The following TBC1D5 variants were observed in gnomAD, a reference collection of about 807,000 sequenced individuals.
TBC1D5 encodes the protein TBC1 domain family, member 5.
In TBC1D5, 75 loss-of-function variants were observed where a neutral mutation model predicts 100.3. The ratio of observed to expected loss-of-function variants is 0.75; its 90% confidence interval spans 0.62 to 0.91. The LOEUF (loss-of-function observed/expected upper bound fraction) is 0.91, where lower values mean the gene tolerates loss of function less well. TBC1D5 is among the 40% of genes least tolerant of loss of function. The pLI is 0.00. For synonymous variants in TBC1D5, 323 were observed against 325.6 expected, an observed-to-expected ratio of 0.99 and a Z score of 0.09; for missense variants, 910 against 942.4, an observed-to-expected ratio of 0.97 and a Z score of 0.45.
At chr3:17,222,371 C>T (rs953346289) in intron 17 of TBC1D5, among the ~76,000 whole-genome samples, 1 of 152,036 alleles carries the variant, frequency 6.6e-6, no homozygotes, top group Non-Finnish European at 1.5e-5. Context: ...AATGATTTTA[C>T]CTTTACAAGT....
intron 2 of TBC1D5, among the ~76,000 whole-genome samples, chr3:17,603,771 C>T (rs1456764658): frequency 3.9e-5 from 6 of 152,018 alleles, no homozygotes; most frequent in African/African-American, 1.4e-4. Flanking sequence ...CCTCAACCTC[C>T]CGAGTAGCTG....
At chr3:17,331,268 T>C (rs17043406) in intron 13 of TBC1D5, among the ~76,000 whole-genome samples, 3,350 of 152,276 alleles carry the variant, frequency 0.022, 120 homozygotes, top group African/African-American at 0.075. Flanking sequence ...AATCACTGTT[T>C]AGGTCGAAGT....
At chr3:17,532,348 G>A (rs1309497072) in intron 2 of TBC1D5, among the ~76,000 whole-genome samples, 3 of 152,212 alleles carry the variant, frequency 2.0e-5, no homozygotes, top group Non-Finnish European at 4.4e-5. Flanking sequence ...AGGTGCTGGA[G>A]AGGATGTAGA....
At chr3:17,573,828 A>G (rs1223320011) in intron 2 of TBC1D5, among the ~76,000 whole-genome samples, 1 of 152,002 alleles carries the variant, frequency 6.6e-6, no homozygotes, top group East Asian at 1.9e-4. Context: ...CCCATGCATT[A>G]ATCTATCACA....
rs376447750 is a variant in TBC1D5 at position 17,494,193 on chromosome 3, CT to C, written c.97+14280del. Among the ~76,000 whole-genome samples, 700 of 152,228 alleles carry C rather than the reference CT, an allele frequency of 4.6e-3. 7 individuals carry two copies. The highest frequency in any genetic ancestry group is 0.016 in the African/African-American group (645 of 41,532). The stretch of plus-strand genomic sequence containing the variant: ...CTGCTGTGGTTTGCTTGGGGTCCAC[CT>C]GAGACCCTATTCGCCTGGGTCACCC... On this transcript the variant is annotated intron_variant, in intron 3 of 21. Coordinates refer to ENST00000253692, the Ensembl canonical transcript of TBC1D5.
At chr3:17,284,024 C>G (rs1039839961) in intron 15 of TBC1D5, among the ~76,000 whole-genome samples, 1 of 151,596 alleles carries the variant, frequency 6.6e-6, no homozygotes, top group Non-Finnish European at 1.5e-5. Context: ...CTCAGAAGGG[C>G]TTTTTGACCA....
At chr3:17,521,737 C>A (rs935473045) in intron 2 of TBC1D5, among the ~76,000 whole-genome samples, 1 of 152,040 alleles carries the variant, frequency 6.6e-6, no homozygotes, top group African/African-American at 2.4e-5. Flanking sequence ...CTCTTTCATT[C>A]ATGAATTAAC....
intron 15 of TBC1D5, among the ~76,000 whole-genome samples, chr3:17,289,171 G>A (rs1353581589): frequency 2.0e-5 from 3 of 152,170 alleles, no homozygotes; most frequent in Non-Finnish European, 4.4e-5. Flanking sequence ...CGTCTGTGCT[G>A]GCACTCAGAA....
chr3:17,170,082 G>A (rs1163282748), intron 19 of TBC1D5, among the ~76,000 whole-genome samples: 1 of 152,236 alleles, frequency 6.6e-6, no homozygotes, highest in African/African-American at 2.4e-5. Context: ...CAGGCCACGG[G>A]CCAGTACTGG....
At position 17,187,181 on chromosome 3, in the gene TBC1D5, C is replaced by T. The variant is rs150048752; in HGVS notation, c.1753-1973G>A. ...TCAATTTCTTCCCTCCCTGACTCTG[C>T]ATGTTGCTTCATTCATTACGAGGTA... is the stretch of plus-strand genomic sequence containing the variant. On this transcript the variant is annotated intron_variant, in intron 18 of 21. Transcript: ENST00000253692. Among the ~76,000 whole-genome samples the T allele has an allele frequency of 9.1e-3, 1,389 of 152,310 alleles. 23 individuals carry two copies. Among genetic ancestry groups the T allele is most frequent in the African/African-American group, 0.031 (1,298 of 41,558 alleles).
intron 14 of TBC1D5, among the ~76,000 whole-genome samples, chr3:17,299,938 G>C (rs1174576510): frequency 4.6e-5 from 7 of 151,424 alleles, no homozygotes; most frequent in Admixed American, 1.3e-4. Flanking sequence ...GGTATCTGGG[G>C]GAGTGGGTAT....
At chr3:17,582,152 T>C (rs1468951616) in intron 2 of TBC1D5, among the ~76,000 whole-genome samples, 6 of 152,162 alleles carry the variant, frequency 3.9e-5, no homozygotes, top group Non-Finnish European at 5.9e-5. Context: ...CTTATCAACC[T>C]CTCCACCCTG....
intron 1 of TBC1D5, among the ~76,000 whole-genome samples, chr3:17,650,198 G>A (rs1026461418): frequency 1.3e-5 from 2 of 152,034 alleles, no homozygotes; most frequent in South Asian, 2.1e-4. Flanking sequence ...TGTAGGTGAC[G>A]GGTTGATGGG....
chr3:17,343,320 C>T (rs2089308197), intron 13 of TBC1D5, among the ~76,000 whole-genome samples: 1 of 151,666 alleles, frequency 6.6e-6, no homozygotes, highest in Non-Finnish European at 1.5e-5. Context: ...ATGAAGCCCA[C>T]TTGATCATGG....
At chr3:17,298,136 GACAT>G (rs1439604460) in intron 14 of TBC1D5, among the ~76,000 whole-genome samples, 6 of 152,160 alleles carry the variant, frequency 3.9e-5, no homozygotes, top group Admixed American at 2.6e-4. Context: ...TCTGAAAATA[GACAT>G]ACATACACTT....
At chr3:17,461,287 C>T (rs1048103331) in intron 3 of TBC1D5, among the ~76,000 whole-genome samples, 1 of 152,174 alleles carries the variant, frequency 6.6e-6, no homozygotes, top group African/African-American at 2.4e-5. Flanking sequence ...AAACACACCT[C>T]TGGTTGGAAG....
intron 2 of TBC1D5, among the ~76,000 whole-genome samples, chr3:17,513,413 ATAAG>A (rs1264017308): frequency 1.3e-5 from 2 of 152,184 alleles, no homozygotes; most frequent in African/African-American, 4.8e-5. Flanking sequence ...AGATAAAATA[ATAAG>A]TTAGTTTAAT....
At chr3:17,205,190 A>G (rs1017796849) in intron 18 of TBC1D5, among the ~76,000 whole-genome samples, 1 of 152,222 alleles carries the variant, frequency 6.6e-6, no homozygotes, top group African/African-American at 2.4e-5. Context: ...TATTCCAGTT[A>G]TCATTAACAC....
At chr3:17,483,347 C>T (rs1279933515) in intron 3 of TBC1D5, among the ~76,000 whole-genome samples, 1 of 151,838 alleles carries the variant, frequency 6.6e-6, no homozygotes, top group East Asian at 1.9e-4. Context: ...GACTAAATTT[C>T]TATTCCTAAT....
Sources: allele counts gnomAD v4.1 joint callset (sites outside exome capture counted in the v4.1 genomes callset), GRCh38; gene constraint gnomAD v4.1.1; transcripts MANE v1.5; gene names NCBI Gene and HGNC (gene_info 2026-07-23, HGNC 2026-07-21).